The following CCSER2 variants were observed in gnomAD, a reference collection of about 807,000 sequenced individuals.
CCSER2 encodes coiled-coil serine rich protein 2, also known as serine-rich coiled-coil domain-containing protein 2.
A neutral mutation model predicts 92.3 loss-of-function variants in CCSER2; 46 were observed. The ratio of observed to expected loss-of-function variants is 0.50; its 90% CI spans 0.39 to 0.64. CCSER2 has a LOEUF of 0.64. CCSER2 is among the 30% of genes least tolerant of loss of function. CCSER2 has a pLI of 0.00. For missense variants in CCSER2, 1,244 were observed against 1,238.9 expected (o/e 1.00, Z -0.06); for synonymous variants, 433 against 431.4 (o/e 1.00, Z -0.04).
chr10:84,361,499 G>T (rs1339044476), intron 1 of CCSER2, among the ~76,000 whole-genome samples: 1 of 152,044 alleles, frequency 6.6e-6, no homozygotes, highest in Non-Finnish European at 1.5e-5. Flanking sequence ...TCATATAAAT[G>T]GAATCACACT....
chr10:84,404,266 C>T lies in CCSER2; in HGVS notation c.1615-13505C>T, dbSNP rs142270720. On this transcript the variant is annotated intron_variant, in intron 3 of 9. Transcript: ENST00000372088. ...TGTAATTTCACTATGCCAACCCCTT[C>T]GAAACAAACTTACCCCTCCAGTTCC... is the stretch of plus-strand genomic sequence containing the variant. 3.1e-3 allele frequency among the ~76,000 whole-genome samples: 468 copies of T among 152,280 alleles called. 9 individuals carry two copies. Among genetic ancestry groups the T allele is most frequent in the Admixed American group, 0.024 (372 of 15,284 alleles).
In CCSER2 at chr10:84,434,068, A is replaced by G. The variant is rs150504498; in HGVS notation, c.1869-4444A>G. Among the ~76,000 whole-genome samples the G allele has an allele frequency of 3.1e-3, 466 of 152,294 alleles. 4 individuals carry two copies. The highest frequency in any genetic ancestry group is 0.011 in the African/African-American group (443 of 41,560). ...CGGAGTTTCTGTTAGAAATTCATGA[A>G]TGTTAAAATTTATACAGAGGTACAA... On this transcript the variant is annotated intron_variant, in intron 5 of 9. Transcript: ENST00000372088.
At chr10:84,358,075 C>A (rs1027476408) in intron 1 of CCSER2, among the ~76,000 whole-genome samples, 1 of 152,132 alleles carries the variant, frequency 6.6e-6, no homozygotes, top group Non-Finnish European at 1.5e-5. Context: ...CTCTGTTTTC[C>A]CCTGCCTACA....
chr10:84,466,714 C>T (rs1006381478), intron 7 of CCSER2, among the ~76,000 whole-genome samples: 7 of 151,602 alleles, frequency 4.6e-5, no homozygotes, highest in South Asian at 2.1e-4. Context: ...GGGGTTTCAC[C>T]GTGTTAGCCA....
chr10:84,345,976 A>G (rs1000951789), intron 1 of CCSER2, among the ~76,000 whole-genome samples: 4 of 152,192 alleles, frequency 2.6e-5, no homozygotes, highest in Non-Finnish European at 5.9e-5. Context: ...AAAAAAAGTA[A>G]TGTTTAGTAG....
intron 6 of CCSER2, among the ~76,000 whole-genome samples, chr10:84,452,681 T>C (rs1440587938): frequency 6.6e-6 from 1 of 152,210 alleles, no homozygotes; most frequent in African/African-American, 2.4e-5. Flanking sequence ...TAAATATGTT[T>C]ATGCAAAACA....
chr10:84,470,902 C>A lies in CCSER2; in HGVS notation c.2235+444C>A, dbSNP rs1009898767. ...AGAAAATGTTTATTTCCTATGGATG[C>A]TATTGAATGATCCATCAGAGTCATG... On this transcript the variant is annotated intron_variant, in intron 8 of 9. Transcript: ENST00000372088. 5.3e-5 allele frequency among the ~76,000 whole-genome samples: 8 copies of A among 152,032 alleles called. No homozygotes were observed. The South Asian group carries it at 1.7e-3, about 31-fold the overall frequency.
intron 1 of CCSER2, among the ~76,000 whole-genome samples, chr10:84,346,085 A>T (rs1476812349): frequency 6.6e-6 from 1 of 152,158 alleles, no homozygotes; most frequent in African/African-American, 2.4e-5. Flanking sequence ...CTTTTTTGAG[A>T]CGGAGTTTCA....
intron 6 of CCSER2, chr10:84,454,694 C>T (rs1251107987): frequency 2.0e-4 from 34 of 170,332 alleles, no homozygotes; most frequent in Admixed American, 1.9e-3. Flanking sequence ...ATTCTGTCTC[C>T]TTTGATGTGC....
At chr10:84,337,451 C>A (rs1018239030) in intron 1 of CCSER2, among the ~76,000 whole-genome samples, 1 of 152,088 alleles carries the variant, frequency 6.6e-6, no homozygotes, top group African/African-American at 2.4e-5. Flanking sequence ...TCATTGGTGA[C>A]CTTAACAAGT....
intron 3 of CCSER2, among the ~76,000 whole-genome samples, chr10:84,388,583 C>A (rs1211962303): frequency 2.0e-5 from 3 of 152,172 alleles, no homozygotes; most frequent in Admixed American, 2.0e-4. Context: ...TGCACATAAG[C>A]TTCCTACCTG....
In CCSER2 at chr10:84,438,652, A is replaced by G. The variant is rs745540268; in HGVS notation, c.2009A>G (p.Gln670Arg). The change falls in exon 6 of 10, where the codon CAG becomes CGG. Residue 670 changes from glutamine to arginine, a missense_variant. Transcript: ENST00000372088. ...GAGATGACCCTTCGGCACATGGTTC[A>G]GGATTGCACTGCTGTAAAAACTCAG... ...LDEMTLRHMV[Q>R]DCTAVKTQLL... The G allele has an allele frequency of 8.1e-6, 13 of 1,613,496 alleles. No homozygotes were observed. Among genetic ancestry groups the G allele is most frequent in the Non-Finnish European group, 1.1e-5 (13 of 1,179,676 alleles).
At chr10:84,362,993 C>T (rs1040364022) in intron 1 of CCSER2, among the ~76,000 whole-genome samples, 3 of 148,952 alleles carry the variant, frequency 2.0e-5, no homozygotes, top group Non-Finnish European at 3.0e-5. Flanking sequence ...CCTGCCACCA[C>T]GCCCAGCTAA....
intron 6 of CCSER2, among the ~76,000 whole-genome samples, chr10:84,439,810 T>C (rs1281289545): frequency 6.6e-6 from 1 of 152,218 alleles, no homozygotes; most frequent in African/African-American, 2.4e-5. Flanking sequence ...TATCCAGACA[T>C]TGAGCTTACA....
At chr10:84,427,319 C>A (rs935979172) in intron 5 of CCSER2, among the ~76,000 whole-genome samples, 2 of 152,124 alleles carry the variant, frequency 1.3e-5, no homozygotes, top group Non-Finnish European at 2.9e-5. Context: ...GGTTTTGAGA[C>A]ACCTACATCC....
intron 1 of CCSER2, among the ~76,000 whole-genome samples, chr10:84,357,112 G>A (rs1290433085): frequency 2.0e-5 from 3 of 152,114 alleles, no homozygotes; most frequent in Non-Finnish European, 1.5e-5. Context: ...GTGTCTGAGG[G>A]GCATTACTTG....
At chr10:84,378,075 G>A (rs1589486412) in intron 3 of CCSER2, among the ~76,000 whole-genome samples, 1 of 152,172 alleles carries the variant, frequency 6.6e-6, no homozygotes, top group East Asian at 1.9e-4. Flanking sequence ...GACCACCAAC[G>A]TGATGTTGAA....
At chr10:84,351,045 A>G (rs564099666) in intron 1 of CCSER2, among the ~76,000 whole-genome samples, 1 of 152,340 alleles carries the variant, frequency 6.6e-6, no homozygotes, top group South Asian at 2.1e-4. Context: ...TTAAAATAAC[A>G]AATATAACTG....
chr10:84,340,598 C>G (rs1392054252), intron 1 of CCSER2, among the ~76,000 whole-genome samples: 2 of 151,380 alleles, frequency 1.3e-5, no homozygotes, highest in Non-Finnish European at 2.9e-5. Context: ...TATCCCATAT[C>G]TCTATTTTTG....
Sources: allele counts gnomAD v4.1 joint callset (sites outside exome capture counted in the v4.1 genomes callset), GRCh38; gene constraint gnomAD v4.1.1; transcripts MANE v1.5; gene names NCBI Gene and HGNC (gene_info 2026-07-23, HGNC 2026-07-21).